Variants in MAGI1 observed in about 807,000 individuals in gnomAD.
The protein encoded by MAGI1 is membrane-associated guanylate kinase, WW and PDZ domain-containing protein 1.
MAGI1 carries 58 observed loss-of-function variants against 139.9 expected under a neutral mutation model. That is an observed-to-expected ratio of 0.41 (90% CI 0.34 to 0.52). The LOEUF (loss-of-function observed/expected upper bound fraction) is 0.52. Among genes scored for constraint, MAGI1 ranks in the 20% least tolerant of loss-of-function variants. The pLI is 0.12. For missense variants in MAGI1, 1,874 were observed against 1,901.6 expected, an observed-to-expected ratio of 0.99 and a Z score of 0.27; for synonymous variants, 812 against 737.9, an observed-to-expected ratio of 1.10 and a Z score of -1.63.
intron 1 of MAGI1, among the ~76,000 whole-genome samples, chr3:65,720,661 G>T (rs1037517002): frequency 2.0e-5 from 3 of 152,100 alleles, no homozygotes; most frequent in Non-Finnish European, 4.4e-5. Flanking sequence ...ATACCAAGTG[G>T]GAGATGAGGA....
intron 1 of MAGI1, among the ~76,000 whole-genome samples, chr3:65,635,572 A>C (rs763867806): frequency 2.0e-5 from 3 of 152,208 alleles, no homozygotes; most frequent in Non-Finnish European, 4.4e-5. Flanking sequence ...CCAAGGCATA[A>C]GAGCAAGGTT....
At chr3:65,717,659 G>A (rs2032439161) in intron 1 of MAGI1, 1 of 152,182 alleles carries the variant, frequency 6.6e-6, no homozygotes, top group Non-Finnish European at 1.5e-5. Context: ...AAAACATCTT[G>A]CAATATCTAG....
At chr3:65,432,848 T>C (rs1947565125) in intron 10 of MAGI1, among the ~76,000 whole-genome samples, 1 of 152,074 alleles carries the variant, frequency 6.6e-6, no homozygotes, top group Non-Finnish European at 1.5e-5. Flanking sequence ...GGAAACACAT[T>C]TCAGTTATGC....
chr3:65,917,695 T>C (rs1275465611), intron 1 of MAGI1, among the ~76,000 whole-genome samples: 3 of 152,180 alleles, frequency 2.0e-5, no homozygotes, highest in Non-Finnish European at 1.5e-5. Flanking sequence ...GTGAAACGGC[T>C]ACATACTATA....
intron 2 of MAGI1, chr3:65,499,061 A>T (rs938485905): frequency 3.0e-4 from 162 of 540,250 alleles, no homozygotes; most frequent in South Asian, 1.3e-3. Context: ...AACCGCTCTT[A>T]AAAAAAAAAA....
intron 1 of MAGI1, among the ~76,000 whole-genome samples, chr3:65,867,907 C>T (rs1416905998): frequency 1.3e-5 from 2 of 152,120 alleles, no homozygotes; most frequent in Non-Finnish European, 2.9e-5. Flanking sequence ...GAGGAGGCGT[C>T]AGGTCTGAGG....
chr3:65,383,428 G>A (rs1943210415), intron 15 of MAGI1, 104 bp downstream of exon 15: 7 of 805,900 alleles, frequency 8.7e-6, no homozygotes, highest in Non-Finnish European at 1.5e-5. Context: ...AAGAGTCAGT[G>A]TTGCATCTAG....
At chr3:65,695,497 C>G (rs560935055) in intron 1 of MAGI1, among the ~76,000 whole-genome samples, 1 of 152,342 alleles carries the variant, frequency 6.6e-6, no homozygotes, top group East Asian at 1.9e-4. Context: ...ACTGCCCATT[C>G]CCTGTTCTTG....
intron 5 of MAGI1, among the ~76,000 whole-genome samples, chr3:65,455,939 T>A (rs771457752): frequency 2.0e-5 from 3 of 152,222 alleles, no homozygotes; most frequent in Non-Finnish European, 2.9e-5. Context: ...CAAAGACATC[T>A]GGATCATTTC....
chr3:65,534,943 T>C (rs1409861898), intron 2 of MAGI1, among the ~76,000 whole-genome samples: 9 of 152,048 alleles, frequency 5.9e-5, no homozygotes, highest in Admixed American at 2.6e-4. Context: ...ACAGAAAGGA[T>C]AGAGATTGAA....
intron 13 of MAGI1, among the ~76,000 whole-genome samples, chr3:65,399,752 T>C (rs896496740): frequency 1.3e-5 from 2 of 152,204 alleles, no homozygotes; most frequent in African/African-American, 4.8e-5. Flanking sequence ...TGAATGCAGG[T>C]TCAATACCTA....
At position 65,543,762 on chromosome 3, in the gene MAGI1, G is replaced by C. The variant is rs180899351; in HGVS notation, c.431-50131C>G. On this transcript the variant is annotated intron_variant, in intron 2 of 22. Coordinates refer to ENST00000402939, the MANE Select transcript of MAGI1 (RefSeq NM_001033057.2). ...ACTGGGGCCTGTCAGGGATGGGGGG[G>C]GGTACAAGAGGGATAGCATTTGGAG... is the stretch of plus-strand genomic sequence containing the variant. Among the ~76,000 whole-genome samples, 952 of 151,958 alleles carry C rather than the reference G, an allele frequency of 6.3e-3. 3 individuals are homozygous for C. The highest frequency in any genetic ancestry group is 0.01 in the Middle Eastern group (3 of 294).
intron 1 of MAGI1, among the ~76,000 whole-genome samples, chr3:65,807,422 C>T (rs2040932324): frequency 1.3e-5 from 2 of 152,164 alleles, no homozygotes; most frequent in African/African-American, 2.4e-5. Context: ...GCTCCACCCT[C>T]GTGACTTAAT....
chr3:65,550,780 C>G (rs868069453), intron 2 of MAGI1, among the ~76,000 whole-genome samples: 2 of 147,690 alleles, frequency 1.4e-5, no homozygotes, highest in Non-Finnish European at 1.5e-5. Context: ...GCTTTGACAA[C>G]AGAGGGAGAC....
intron 1 of MAGI1, among the ~76,000 whole-genome samples, chr3:65,692,358 A>G (rs931643316): frequency 6.6e-6 from 1 of 152,180 alleles, no homozygotes; most frequent in Non-Finnish European, 1.5e-5. Context: ...TGGGTTAAGA[A>G]CTATACTAGG....
At chr3:65,644,021 A>G (rs2085123471) in intron 1 of MAGI1, among the ~76,000 whole-genome samples, 1 of 152,136 alleles carries the variant, frequency 6.6e-6, no homozygotes, top group Non-Finnish European at 1.5e-5. Flanking sequence ...AGAGGAATTC[A>G]GCACTTCTGC....
In MAGI1 at chr3:65,430,176, G is replaced by A. The variant is rs1947349270; in HGVS notation, c.1547-36C>T. ...CAAGAGTGTGGGGGTTAAGAAAACA[G>A]CACCCAGAAAATTGTCATCAGTATT... On this transcript the variant is annotated intron_variant, in intron 11 of 22. Coordinates refer to ENST00000402939, the MANE Select transcript of MAGI1 (RefSeq NM_001033057.2). 1.9e-6 allele frequency: 3 copies of A among 1,600,506 alleles called. No homozygotes were observed. The African/African-American group carries it at 4.0e-5, about 21-fold the overall frequency.
intron 1 of MAGI1, among the ~76,000 whole-genome samples, chr3:65,827,927 T>C (rs900484378): frequency 6.6e-6 from 1 of 152,212 alleles, no homozygotes; most frequent in African/African-American, 2.4e-5. Context: ...TTTATGTCTA[T>C]CATGAAAACA....
At chr3:65,795,084 G>C (rs2040037283) in intron 1 of MAGI1, among the ~76,000 whole-genome samples, 1 of 152,190 alleles carries the variant, frequency 6.6e-6, no homozygotes, top group Non-Finnish European at 1.5e-5. Flanking sequence ...AAAACAGTTT[G>C]ACACTTTCTT....
Sources: gnomAD v4.1 joint callset for allele counts (sites outside exome capture counted in the v4.1 genomes callset) on GRCh38, gnomAD v4.1.1 for gene constraint, MANE v1.5 for transcripts, NCBI Gene and HGNC (gene_info 2026-07-23, HGNC 2026-07-21) for gene names.